The following PSMB3 variants were observed in gnomAD, a reference collection of about 807,000 sequenced individuals.
PSMB3 encodes the protein proteasome 20S subunit beta 3, also known as proteasome subunit beta type-3.
A neutral mutation model predicts 23.3 loss-of-function variants in PSMB3; 5 were observed. The observed-to-expected ratio is 0.21, with a 90% CI of 0.11 to 0.45. The LOEUF (loss-of-function observed/expected upper bound fraction) is 0.45, where lower values mean the gene tolerates loss of function less well. Ranked by LOEUF, PSMB3 falls within the 20% of genes least tolerant of loss-of-function variation. The pLI, the probability that PSMB3 is intolerant of heterozygous loss-of-function variation, is 0.99. For missense variants in PSMB3, 192 were observed against 277.9 expected (o/e 0.69, Z 2.20); for synonymous variants, 85 against 99.8 (o/e 0.85, Z 0.88).
intron 3 of PSMB3, among the ~76,000 whole-genome samples, chr17:38,758,260 C>T (rs1908293079): frequency 6.6e-6 from 1 of 152,064 alleles, no homozygotes; most frequent in Admixed American, 6.5e-5. Flanking sequence ...AGCTAAGAAT[C>T]CAGAATTTTT....
At chr17:38,757,799 G>A (rs1000922437) in intron 3 of PSMB3, among the ~76,000 whole-genome samples, 1 of 152,148 alleles carries the variant, frequency 6.6e-6, no homozygotes, top group Non-Finnish European at 1.5e-5. Flanking sequence ...GGGATTATAG[G>A]CGCCTGCCAC....
intron 4 of PSMB3, among the ~76,000 whole-genome samples, chr17:38,761,401 G>C (rs1908435613): frequency 6.6e-6 from 1 of 151,374 alleles, no homozygotes. Context: ...TATATGTGCT[G>C]CCGAAGCGAG....
intron 2 of PSMB3, 29 bp from the exon 3 acceptor site, chr17:38,755,854 C>T (rs1156926085): frequency 1.3e-6 from 2 of 1,553,882 alleles, no homozygotes; most frequent in Non-Finnish European, 1.8e-6. Flanking sequence ...TCAATAATGA[C>T]TTACTAACTC....
chr17:38,752,907 A>C lies in PSMB3; in HGVS notation c.3+78A>C, dbSNP rs1907997652. The C allele has an allele frequency of 6.9e-6, 11 of 1,591,132 alleles. No individual in the cohort carries two copies. The South Asian group carries it at 1.0e-4, about 14-fold the overall frequency. ...GGGGTCAGGAGAGGCTTGGGGACGA[A>C]AAGGGCCTAGGGTCGATGGAAGGAA... is the stretch of plus-strand genomic sequence containing the variant. On this transcript the variant is annotated intron_variant, in intron 1 of 5. Transcript: ENST00000619426. This position sits in a 1 kb window ranked among gnomAD's most constrained non-coding sequence, Gnocchi z 5.5.
Position 38,760,449 on chromosome 17 carries a change from T to C in PSMB3, c.315T>C (p.Thr105=), listed in dbSNP as rs1343272468. Residue 105 remains threonine (T), a synonymous_variant, in exon 4 of 6, where the codon ACT becomes ACC. Transcript: ENST00000619426. The part of the protein sequence containing the change: ...LYEKRFGPYY[T]EPVIAGLDPK... ...CCCACAGGTTTGGCCCTTACTACACTGAGCCAGTCATTGCCGGGTTGGACC... is the reference window on the plus strand; with the variant it reads ...CCCACAGGTTTGGCCCTTACTACACCGAGCCAGTCATTGCCGGGTTGGACC... 3 of 1,614,026 alleles carry C rather than the reference T, an allele frequency of 1.9e-6. No homozygotes were observed. Among genetic ancestry groups the C allele is most frequent in the Non-Finnish European group, 2.5e-6 (3 of 1,179,968 alleles).
chr17:38,756,884 CTTT>C (rs969627335), intron 3 of PSMB3, among the ~76,000 whole-genome samples: 2 of 138,564 alleles, frequency 1.4e-5, no homozygotes, highest in Admixed American at 7.3e-5. Flanking sequence ...AAAACTTTTT[CTTT>C]TTTTTTTTTT....
intron 3 of PSMB3, among the ~76,000 whole-genome samples, chr17:38,757,538 C>T (rs1288723774): frequency 1.4e-5 from 2 of 142,496 alleles, no homozygotes; most frequent in African/African-American, 2.6e-5. Flanking sequence ...AAAAATAGGT[C>T]GGGCGTGGTG....
At chr17:38,762,527 T>A (rs1407568696) in intron 5 of PSMB3, 22 bp downstream of exon 5, 3 of 1,597,638 alleles carry the variant, frequency 1.9e-6, no homozygotes, top group Non-Finnish European at 1.7e-6. Context: ...CTGGGAGAAG[T>A]CTAGAAGCTC....
chr17:38,760,998 C>A (rs1158352008), intron 4 of PSMB3, among the ~76,000 whole-genome samples: 2 of 152,136 alleles, frequency 1.3e-5, no homozygotes, highest in Non-Finnish European at 2.9e-5. Flanking sequence ...AGCCAGTTTC[C>A]CTCTCTGCCT....
At chr17:38,760,964 C>T (rs769860693) in intron 4 of PSMB3, among the ~76,000 whole-genome samples, 4 of 152,174 alleles carry the variant, frequency 2.6e-5, no homozygotes, top group Non-Finnish European at 5.9e-5. Context: ...ATCCACCCAC[C>T]ACCTTAGTTA....
At chr17:38,759,984 G>C (rs755672630) in intron 3 of PSMB3, among the ~76,000 whole-genome samples, 4 of 152,132 alleles carry the variant, frequency 2.6e-5, no homozygotes, top group Admixed American at 6.6e-5. Context: ...ACAAAACTTT[G>C]TGTTCAGTCT....
At chr17:38,764,073 G>T in intron 5 of PSMB3, 46 bp from the exon 6 acceptor site, 11 of 1,612,490 alleles carry the variant, frequency 6.8e-6, no homozygotes, top group Non-Finnish European at 8.5e-6. Flanking sequence ...CACAGTCACG[G>T]TCCAGATGGG....
chr17:38,758,100 C>T, intron 3 of PSMB3, among the ~76,000 whole-genome samples: 1 of 152,126 alleles, frequency 6.6e-6, no homozygotes, highest in East Asian at 1.9e-4. Flanking sequence ...TGCAGTGTTT[C>T]AGACAGAGGT....
Position 38,755,930 on chromosome 17 carries a change from G to C in PSMB3, c.236G>C (p.Gly79Ala). ...CTGAACCTGTATGAGTTGAAGGAAGGTCGGCAGATCAAACCTTATACCCTC... is the reference window on the plus strand; with the variant it reads ...CTGAACCTGTATGAGTTGAAGGAAGCTCGGCAGATCAAACCTTATACCCTC... Reference protein sequence around the residue: ...FRLNLYELKEGRQIKPYTLMS... With the variant: ...FRLNLYELKEARQIKPYTLMS... Residue 79 changes from glycine (G) to alanine (A), a missense_variant, in exon 3 of 6, where the codon GGT (glycine) becomes GCT (alanine). Gly to Ala is a moderately conservative substitution (Grantham distance 60). Coordinates refer to ENST00000619426, the MANE Select transcript of PSMB3 (RefSeq NM_002795.4). 6.2e-7 allele frequency: 1 copy of C among 1,614,104 alleles called. No homozygotes were observed. The highest frequency in any genetic ancestry group is 1.1e-5 in the South Asian group (1 of 91,084).
chr17:38,755,646 T>TAAAAAAAAAAAA (rs66894167), intron 2 of PSMB3, among the ~76,000 whole-genome samples: 1 of 66,446 alleles, frequency 1.5e-5, no homozygotes, highest in Non-Finnish European at 2.7e-5. Flanking sequence ...AGACTCCGTC[T>TAAAAAAAAAAAA]AAAAAAAAAA....
chr17:38,755,850 A>G, intron 2 of PSMB3, 33 bp from the exon 3 acceptor site: 1 of 1,560,552 alleles, frequency 6.4e-7, no homozygotes, highest in Non-Finnish European at 8.8e-7. Context: ...ATATTCAATA[A>G]TGACTTACTA....
intron 2 of PSMB3, 120 bp from the exon 3 acceptor site, chr17:38,755,763 A>G (rs779215329): frequency 7.8e-6 from 6 of 766,578 alleles, no homozygotes; most frequent in Non-Finnish European, 1.3e-5. Flanking sequence ...ATGTAAGACT[A>G]CAGTTTTCCC....
rs576067630 is a variant in PSMB3, at chr17:38,755,874, C to T, written c.189-9C>T. ...AATGACTTACTAACTCACTTTTCTCCTACCTCAGTGCCCAGCGCCTCAAGT... is the reference window on the plus strand; with the variant it reads ...AATGACTTACTAACTCACTTTTCTCTTACCTCAGTGCCCAGCGCCTCAAGT... On this transcript the variant is annotated splice_polypyrimidine_tract_variant and intron_variant, in intron 2 of 5. Transcript: ENST00000619426. 9.9e-6 allele frequency: 16 copies of T among 1,612,438 alleles called. No homozygotes were observed. The highest frequency in any genetic ancestry group is 1.7e-4 in the Middle Eastern group (1 of 6,052).
intron 3 of PSMB3, 105 bp downstream of exon 3, chr17:38,756,095 T>C: frequency 1.1e-6 from 1 of 935,874 alleles, no homozygotes; most frequent in Non-Finnish European, 1.7e-6. Context: ...ATCTCTTATT[T>C]GCAGGATAAT....
Sources: gnomAD v4.1 joint callset for allele counts (sites outside exome capture counted in the v4.1 genomes callset) on GRCh38, gnomAD v4.1.1 for gene constraint, Gnocchi (gnomAD v3.1) non-coding constraint, MANE v1.5 for transcripts, NCBI Gene and HGNC (gene_info 2026-07-23, HGNC 2026-07-21) for gene names.